The following DAB2IP variants were observed in gnomAD, a reference collection of about 807,000 sequenced individuals.
The protein encoded by DAB2IP is DAB2 interacting protein.
In DAB2IP, 28 loss-of-function variants were observed where a neutral mutation model predicts 107.2. That is an observed-to-expected ratio of 0.26 (90% CI 0.19 to 0.36). DAB2IP has a LOEUF of 0.36. DAB2IP is among the 10% of genes least tolerant of loss of function. The pLI is 1.00. For synonymous variants in DAB2IP, 755 were observed against 706.4 expected, an observed-to-expected ratio of 1.07 and a Z score of -1.09; for missense variants, 1,400 against 1,644.7, an observed-to-expected ratio of 0.85 and a Z score of 2.57.
intron 3 of DAB2IP, among the ~76,000 whole-genome samples, chr9:121,720,647 G>A (rs1830874253): frequency 6.6e-6 from 1 of 152,150 alleles, no homozygotes; most frequent in South Asian, 2.1e-4. Flanking sequence ...GCTGACAGCT[G>A]TTTCTTTCCA....
At chr9:121,609,230 G>A (rs897817966) in intron 1 of DAB2IP, among the ~76,000 whole-genome samples, 2 of 152,176 alleles carry the variant, frequency 1.3e-5, no homozygotes, top group African/African-American at 2.4e-5. Flanking sequence ...CAGGTGTGAG[G>A]CACTGCGCCC....
intron 1 of DAB2IP, among the ~76,000 whole-genome samples, chr9:121,600,842 T>A (rs1468141339): frequency 1.3e-5 from 2 of 150,460 alleles, no homozygotes; most frequent in Non-Finnish European, 3.0e-5. Context: ...TATAGGGAGG[T>A]TTTTTCGAGG....
At chr9:121,574,063 C>T (rs565405337) in intron 1 of DAB2IP, among the ~76,000 whole-genome samples, 1 of 152,306 alleles carries the variant, frequency 6.6e-6, no homozygotes, top group Admixed American at 6.5e-5. Context: ...CCAAAATAGC[C>T]TAATGTCATC....
At chr9:121,700,931 C>G (rs956817449) in intron 3 of DAB2IP, among the ~76,000 whole-genome samples, 3 of 152,184 alleles carry the variant, frequency 2.0e-5, no homozygotes, top group Admixed American at 1.3e-4. Context: ...TGGGTGCAGT[C>G]ACTGCGTCTT....
rs1279571514 is a variant in DAB2IP at position 121,634,897 on chromosome 9, G to A, written c.41-43781G>A. Reference sequence around the variant, plus strand: ...GGGCTCGGCTGCTCCCTGCTGACTTGCACCTCAGAGGCACCCCCAGCCCCC... The same window carrying A: ...GGGCTCGGCTGCTCCCTGCTGACTTACACCTCAGAGGCACCCCCAGCCCCC... On this transcript the variant is annotated intron_variant, in intron 1 of 16. Transcript: ENST00000259371. This position sits in a 1 kb window ranked among gnomAD's most constrained non-coding sequence, Gnocchi z 4.7. 6.6e-6 allele frequency among the ~76,000 whole-genome samples: 1 copy of A among 152,160 alleles called. No homozygotes were observed. Among genetic ancestry groups the A allele is most frequent in the African/African-American group, 2.4e-5 (1 of 41,408 alleles).
At chr9:121,743,241 C>G (rs1446651457) in intron 3 of DAB2IP, among the ~76,000 whole-genome samples, 1 of 152,176 alleles carries the variant, frequency 6.6e-6, no homozygotes, top group African/African-American at 2.4e-5. Context: ...CAGTGCTGTG[C>G]CCAGCACATA....
intron 1 of DAB2IP, among the ~76,000 whole-genome samples, chr9:121,631,839 A>AT (rs1177416380): frequency 2.0e-5 from 3 of 148,570 alleles, no homozygotes; most frequent in Non-Finnish European, 4.5e-5. Flanking sequence ...AAAAAAAAAA[A>AT]GAAGCTTGCA....
At chr9:121,763,947 C>T (rs1040725295) in intron 8 of DAB2IP, 68 bp downstream of exon 8, 86 of 1,582,592 alleles carry the variant, frequency 5.4e-5, no homozygotes, top group Admixed American at 2.0e-4. Context: ...GTCTGGCACC[C>T]GCAGTGTGCC....
intron 1 of DAB2IP, among the ~76,000 whole-genome samples, chr9:121,640,019 C>T (rs1339657305): frequency 6.6e-6 from 1 of 152,192 alleles, no homozygotes; most frequent in Non-Finnish European, 1.5e-5. Flanking sequence ...TCTGGGCATC[C>T]CCTTCCTTGC....
At chr9:121,568,421 G>C (rs1199594253) in intron 1 of DAB2IP, among the ~76,000 whole-genome samples, 1 of 152,192 alleles carries the variant, frequency 6.6e-6, no homozygotes, top group Non-Finnish European at 1.5e-5. Flanking sequence ...GTCAGGGTCA[G>C]GGATGTGTAG....
exon 2 of DAB2IP, chr9:121,678,747 T>C (rs1261603036): frequency 1.9e-6 from 3 of 1,599,726 alleles, no homozygotes; most frequent in African/African-American, 2.7e-5. Flanking sequence ...AGCCCCAGCA[T>C]GGAGCCCTCG....
intron 1 of DAB2IP, among the ~76,000 whole-genome samples, chr9:121,613,691 C>G (rs908873487): frequency 6.6e-6 from 1 of 152,244 alleles, no homozygotes; most frequent in East Asian, 1.9e-4. Flanking sequence ...GGCAACTTCT[C>G]GCAAACTCGC....
At chr9:121,642,076 T>TTTCTTTCTTTCTTTCTTTC (rs1564129085) in intron 1 of DAB2IP, among the ~76,000 whole-genome samples, 1 of 135,758 alleles carries the variant, frequency 7.4e-6, no homozygotes, top group Non-Finnish European at 1.5e-5. Flanking sequence ...TCTTTCTTTC[T>TTTCTTTCTTTCTTTCTTTC]TTCTTTCTCA....
intron 1 of DAB2IP, among the ~76,000 whole-genome samples, chr9:121,661,012 TGGTGGTGGGATAA>T (rs905178848): frequency 5.9e-5 from 9 of 151,700 alleles, no homozygotes; most frequent in East Asian, 1.9e-4. Flanking sequence ...GAGTGGGAGC[TGGTGGTGGGATAA>T]GGTGGTGGGA....
intron 3 of DAB2IP, among the ~76,000 whole-genome samples, chr9:121,740,266 A>C (rs569538587): frequency 6.6e-6 from 1 of 152,290 alleles, no homozygotes; most frequent in Admixed American, 6.5e-5. Flanking sequence ...TAGGCCCCCC[A>C]CAGTGATCTT....
At chr9:121,734,353 C>T (rs1389357892) in intron 3 of DAB2IP, among the ~76,000 whole-genome samples, 1 of 138,158 alleles carries the variant, frequency 7.2e-6, no homozygotes, top group Non-Finnish European at 1.5e-5. Flanking sequence ...GTCCGCAGTC[C>T]GGCCTGGGCA....
intron 1 of DAB2IP, among the ~76,000 whole-genome samples, chr9:121,601,994 C>T (rs1830698116): frequency 6.6e-6 from 1 of 152,018 alleles, no homozygotes; most frequent in South Asian, 2.1e-4. Context: ...GCAGATCCCT[C>T]ATCTCTACTC....
chr9:121,723,294 G>A (rs542076108), intron 3 of DAB2IP, among the ~76,000 whole-genome samples: 21 of 152,250 alleles, frequency 1.4e-4, no homozygotes, highest in African/African-American at 4.8e-4. Context: ...AGCACACAGG[G>A]CTCCCCCAAG....
chr9:121,770,709 A>T (rs889526825), exon 11 of DAB2IP: 2 of 1,614,088 alleles, frequency 1.2e-6, no homozygotes, highest in Non-Finnish European at 8.5e-7. Context: ...ATGGTGATTG[A>T]GAACGATCTT....
Sources: gnomAD v4.1 joint callset for allele counts (sites outside exome capture counted in the v4.1 genomes callset) on GRCh38, gnomAD v4.1.1 for gene constraint, Gnocchi (gnomAD v3.1) non-coding constraint, MANE v1.5 for transcripts, NCBI Gene and HGNC (gene_info 2026-07-23, HGNC 2026-07-21) for gene names.